Variants in CTNNA2 observed in about 807,000 individuals in gnomAD.
CTNNA2 encodes catenin alpha 2, also known as catenin alpha-2.
CTNNA2 carries 42 observed loss-of-function variants against 101.0 expected under a neutral mutation model. The ratio of observed to expected loss-of-function variants is 0.42; its 90% CI spans 0.32 to 0.54. The LOEUF (loss-of-function observed/expected upper bound fraction) is 0.54, where lower values mean the gene tolerates loss of function less well. Among genes scored for constraint, CTNNA2 ranks in the 20% least tolerant of loss-of-function variants. The pLI, the probability that CTNNA2 is intolerant of heterozygous loss-of-function variation, is 0.14. For synonymous variants in CTNNA2, 450 were observed against 456.4 expected, an observed-to-expected ratio of 0.99 and a Z score of 0.18; for missense variants, 871 against 1,223.1, an observed-to-expected ratio of 0.71 and a Z score of 4.29.
intron 3 of CTNNA2, chr2:79,777,205 G>T (rs1266101269): frequency 6.6e-6 from 1 of 152,034 alleles, no homozygotes; most frequent in Non-Finnish European, 1.5e-5. Flanking sequence ...TATACAGCTG[G>T]TCCTCATGGG....
At chr2:80,054,829 T>C (rs545025328) in intron 7 of CTNNA2, among the ~76,000 whole-genome samples, 1 of 152,158 alleles carries the variant, frequency 6.6e-6, no homozygotes, top group East Asian at 1.9e-4. Flanking sequence ...GTACCTGAGG[T>C]GAGGTAGGTG....
chr2:79,876,699 A>T (rs1348737859), intron 6 of CTNNA2, among the ~76,000 whole-genome samples: 1 of 152,152 alleles, frequency 6.6e-6, no homozygotes, highest in African/African-American at 2.4e-5. Flanking sequence ...TTTTATCCCC[A>T]ATTAATGTAA....
At chr2:80,215,990 A>G (rs1421040323) in intron 7 of CTNNA2, among the ~76,000 whole-genome samples, 1 of 152,156 alleles carries the variant, frequency 6.6e-6, no homozygotes, top group Non-Finnish European at 1.5e-5. Flanking sequence ...CCTCGCTGCC[A>G]TCTTGCAGTT....
intron 7 of CTNNA2, among the ~76,000 whole-genome samples, chr2:80,060,625 T>G (rs546737946): frequency 5.9e-5 from 9 of 152,278 alleles, no homozygotes; most frequent in South Asian, 2.1e-4. Context: ...TTCTCTCTTT[T>G]TCTCTTTTTA....
intron 7 of CTNNA2, among the ~76,000 whole-genome samples, chr2:80,264,877 A>G (rs1444880668): frequency 1.3e-5 from 2 of 152,130 alleles, no homozygotes; most frequent in African/African-American, 4.8e-5. Context: ...CAGATAATCA[A>G]TGACCAGATT....
chr2:80,620,809 A>T (rs1266118157), intron 18 of CTNNA2, among the ~76,000 whole-genome samples: 2 of 151,904 alleles, frequency 1.3e-5, no homozygotes, highest in African/African-American at 4.8e-5. Flanking sequence ...CCAGGTAAGA[A>T]ATGCTCATAT....
intron 7 of CTNNA2, among the ~76,000 whole-genome samples, chr2:80,075,568 A>T (rs1389087598): frequency 1.5e-5 from 2 of 135,282 alleles, no homozygotes; most frequent in African/African-American, 5.7e-5. Context: ...TATAAATATT[A>T]TAAAATAATA....
chr2:79,413,394 T>G (rs1678439626), intron 4 of CTNNA2, among the ~76,000 whole-genome samples: 2 of 152,072 alleles, frequency 1.3e-5, no homozygotes, highest in African/African-American at 4.8e-5. Context: ...ATTTTCCTCT[T>G]CTTCCTTTTT....
intron 1 of CTNNA2, among the ~76,000 whole-genome samples, chr2:79,554,217 T>A (rs920025501): frequency 2.0e-5 from 3 of 152,160 alleles, no homozygotes; most frequent in African/African-American, 2.4e-5. Flanking sequence ...CTTTTTTTTT[T>A]TAAAACACAA....
intron 7 of CTNNA2, among the ~76,000 whole-genome samples, chr2:80,099,091 C>T (rs1049371755): frequency 2.2e-4 from 34 of 151,990 alleles, no homozygotes; most frequent in African/African-American, 6.3e-4. Flanking sequence ...CCGTCTTCTG[C>T]GTGGCTCATG....
At chr2:80,044,678 C>T (rs1329044983) in intron 7 of CTNNA2, among the ~76,000 whole-genome samples, 1 of 152,118 alleles carries the variant, frequency 6.6e-6, no homozygotes, top group Non-Finnish European at 1.5e-5. Flanking sequence ...ATGGAACTTA[C>T]AGCACTGGAT....
intron 3 of CTNNA2, among the ~76,000 whole-genome samples, chr2:79,362,640 A>T (rs538282189): frequency 1.3e-5 from 2 of 152,326 alleles, no homozygotes; most frequent in East Asian, 3.9e-4. Context: ...GCTCTTAGGC[A>T]TGACCACGCA....
chr2:79,810,095 G>A (rs765594804), intron 3 of CTNNA2, among the ~76,000 whole-genome samples: 14 of 152,220 alleles, frequency 9.2e-5, no homozygotes, highest in Middle Eastern at 3.4e-3. Flanking sequence ...AATGTAAATG[G>A]GCTAAATGCC....
chr2:79,706,824 G>T (rs1685413102), intron 2 of CTNNA2, among the ~76,000 whole-genome samples: 1 of 152,256 alleles, frequency 6.6e-6, no homozygotes, highest in South Asian at 2.1e-4. Context: ...TTTTGGAGCT[G>T]TGTACTTTCT....
intron 3 of CTNNA2, among the ~76,000 whole-genome samples, chr2:79,351,340 G>A (rs964021371): frequency 6.6e-6 from 1 of 152,144 alleles, no homozygotes; most frequent in Non-Finnish European, 1.5e-5. Flanking sequence ...AGAAATGGGA[G>A]TCTAGTTTCA....
intron 4 of CTNNA2, among the ~76,000 whole-genome samples, chr2:79,454,090 A>G (rs952050674): frequency 6.6e-6 from 1 of 152,170 alleles, no homozygotes. Flanking sequence ...ATCCTAGGTC[A>G]TAGACATGAC....
At chr2:80,577,252 G>A (rs776782036) in intron 13 of CTNNA2, among the ~76,000 whole-genome samples, 3 of 152,130 alleles carry the variant, frequency 2.0e-5, no homozygotes, top group Non-Finnish European at 2.9e-5. Context: ...GAAATATAAT[G>A]TCAAACATTA....
intron 15 of CTNNA2, chr2:80,603,514 G>A (rs1162793564): frequency 4.6e-5 from 7 of 152,040 alleles, no homozygotes; most frequent in Admixed American, 4.6e-4. Flanking sequence ...GCTTCTCAAA[G>A]TGCCAAACTG....
intron 4 of CTNNA2, chr2:79,499,271 T>C (rs995290565): frequency 6.6e-6 from 1 of 152,034 alleles, no homozygotes; most frequent in African/African-American, 2.4e-5. Context: ...CAGGTCAGAG[T>C]ATCTTAAACA....
Sources: gnomAD v4.1 joint callset for allele counts (sites outside exome capture counted in the v4.1 genomes callset) on GRCh38, gnomAD v4.1.1 for gene constraint, MANE v1.5 for transcripts, NCBI Gene and HGNC (gene_info 2026-07-23, HGNC 2026-07-21) for gene names.